TBCE: variants seen among roughly 807,000 people sequenced by gnomAD.
The protein encoded by TBCE is tubulin folding cofactor E.
A neutral mutation model predicts 77.0 loss-of-function variants in TBCE; 53 were observed. The observed-to-expected ratio is 0.69, with a 90% CI of 0.55 to 0.87. The LOEUF (loss-of-function observed/expected upper bound fraction) is 0.87. TBCE is among the 40% of genes least tolerant of loss of function. TBCE has a pLI of 0.00. For synonymous variants in TBCE, 235 were observed against 241.3 expected, an observed-to-expected ratio of 0.97 and a Z score of 0.24; for missense variants, 624 against 622.4, an observed-to-expected ratio of 1.00 and a Z score of -0.03.
chr1:235,386,712 C>G (rs1678031489), intron 2 of TBCE, among the ~76,000 whole-genome samples: 1 of 152,066 alleles, frequency 6.6e-6, no homozygotes, highest in Admixed American at 6.6e-5. Context: ...AAATTTTTTT[C>G]AAAGTTTTTA....
intron 5 of TBCE, among the ~76,000 whole-genome samples, chr1:235,422,102 A>G (rs1450587453): frequency 1.3e-5 from 2 of 152,256 alleles, no homozygotes. Flanking sequence ...AAAAGTAGGC[A>G]GCTGGAGTGA....
In TBCE at chr1:235,434,297, T is replaced by G. The variant is rs2102920332; in HGVS notation, c.737+17T>G. ...TTCCGAAAGGTAACTAGCACTTACT[T>G]AAATGCATCTATCCCCATTTAATCA... On this transcript the variant is annotated intron_variant, in intron 8 of 16. Coordinates refer to ENST00000642610, the MANE Select transcript of TBCE (RefSeq NM_003193.5). 1.3e-6 allele frequency: 2 copies of G among 1,586,910 alleles called. No homozygotes were observed. The highest frequency in any genetic ancestry group is 1.7e-6 in the Non-Finnish European group (2 of 1,155,166).
At chr1:235,389,904 C>T (rs1436028649) in intron 2 of TBCE, among the ~76,000 whole-genome samples, 1 of 152,070 alleles carries the variant, frequency 6.6e-6, no homozygotes, top group Admixed American at 6.6e-5. Context: ...CTGTAGATCA[C>T]TTGAAGTCAG....
chr1:235,375,584 G>A (rs1677244963), intron 1 of TBCE, among the ~76,000 whole-genome samples: 1 of 152,172 alleles, frequency 6.6e-6, no homozygotes, highest in African/African-American at 2.4e-5. Flanking sequence ...CTAACATCAG[G>A]AAACAGGGAC....
At chr1:235,369,764 G>T (rs1158790607) in intron 1 of TBCE, among the ~76,000 whole-genome samples, 1 of 149,630 alleles carries the variant, frequency 6.7e-6, no homozygotes, top group African/African-American at 2.5e-5. Flanking sequence ...GGGCAGGCGC[G>T]GAGGTTGCAG....
intron 6 of TBCE, among the ~76,000 whole-genome samples, chr1:235,427,945 G>T (rs574297606): frequency 6.0e-4 from 91 of 152,116 alleles, no homozygotes; most frequent in African/African-American, 2.1e-3. Context: ...CAAGATAATT[G>T]CTTGAACCCG....
chr1:235,433,255 C>G (rs1422937982), intron 7 of TBCE: 1 of 1,111,612 alleles, frequency 9.0e-7, no homozygotes, highest in Non-Finnish European at 1.2e-6. Context: ...GAGTCTTGCT[C>G]TGTTGCCTAG....
chr1:235,376,051 AAC>A (rs1190085333), intron 1 of TBCE, among the ~76,000 whole-genome samples: 44 of 152,210 alleles, frequency 2.9e-4, no homozygotes, highest in African/African-American at 1.0e-3. Flanking sequence ...TCTCAAAACA[AAC>A]AAACAAAAAC....
At position 235,434,322 on chromosome 1, in the gene TBCE, A is replaced by T. The variant is rs1320866840; in HGVS notation, c.737+42A>T. 3 of 1,520,842 alleles carry T rather than the reference A, an allele frequency of 2.0e-6. No individual in the cohort carries two copies. The African/African-American group carries it at 4.1e-5, about 21-fold the overall frequency. The allele number at this position is 1,520,842 out of a possible 1,614,324, so 94.2% of individuals were successfully genotyped here. A position where few individuals can be genotyped will look rare whatever the true frequency, so the allele number is the denominator to read the frequency against. Reference sequence around the variant, plus strand: ...TAAATGCATCTATCCCCATTTAATCATCATTCTGAGTAAATAAATGGTCTC... The same window carrying T: ...TAAATGCATCTATCCCCATTTAATCTTCATTCTGAGTAAATAAATGGTCTC... On this transcript the variant is annotated intron_variant, in intron 8 of 16. Transcript: ENST00000642610.
At chr1:235,425,687 C>T (rs561211784) in intron 5 of TBCE, among the ~76,000 whole-genome samples, 1 of 152,146 alleles carries the variant, frequency 6.6e-6, no homozygotes, top group East Asian at 1.9e-4. Context: ...TCCTTGTGAC[C>T]TTGTTTCTAG....
intron 2 of TBCE, among the ~76,000 whole-genome samples, chr1:235,388,723 C>CT (rs1678188846): frequency 6.6e-6 from 1 of 152,182 alleles, no homozygotes; most frequent in Non-Finnish European, 1.5e-5. Context: ...GCAGACTTAG[C>CT]TAGAGATTTA....
chr1:235,406,531 A>AT (rs1043094040), intron 3 of TBCE, among the ~76,000 whole-genome samples: 1 of 152,100 alleles, frequency 6.6e-6, no homozygotes, highest in African/African-American at 2.4e-5. Context: ...AGAAACGTGG[A>AT]TTTTTTCTTT....
intron 1 of TBCE, among the ~76,000 whole-genome samples, chr1:235,371,518 G>A (rs964581366): frequency 2.0e-5 from 3 of 150,862 alleles, no homozygotes; most frequent in Admixed American, 6.6e-5. Flanking sequence ...GGGATTATAC[G>A]CGTGTGCCAC....
chr1:235,440,249 C>A lies in TBCE; in HGVS notation c.1270+1327C>A, dbSNP rs567897117. 1.1e-3 allele frequency among the ~76,000 whole-genome samples: 166 copies of A among 152,174 alleles called. 2 individuals carry two copies. Among genetic ancestry groups the A allele is most frequent in the African/African-American group, 3.7e-3 (153 of 41,532 alleles). On this transcript the variant is annotated intron_variant, in intron 13 of 16. Coordinates refer to ENST00000642610, the MANE Select transcript of TBCE (RefSeq NM_003193.5). ...CCTCCCAGAGTGCTGGGATTACAGG[C>A]GTGAGCCACCGCGCCCAGCCAGGGA... is the stretch of plus-strand genomic sequence containing the variant.
In TBCE at chr1:235,373,503, G is replaced by T. The variant is rs576376825; in HGVS notation, c.-32+5999G>T. Among the ~76,000 whole-genome samples, 15 of 152,104 alleles carry T rather than the reference G, an allele frequency of 9.9e-5. No individual in the cohort carries two copies. The East Asian group carries it at 2.9e-3, about 29-fold the overall frequency. Reference sequence around the variant, plus strand: ...CTGTGGCCCAGTCTGGAGTGCAATGGCACGATCTTGGCTCACTGCAACCTC... The same window carrying T: ...CTGTGGCCCAGTCTGGAGTGCAATGTCACGATCTTGGCTCACTGCAACCTC... On this transcript the variant is annotated intron_variant, in intron 1 of 16. Transcript: ENST00000642610.
At chr1:235,387,408 C>T (rs1274707948) in intron 2 of TBCE, among the ~76,000 whole-genome samples, 1 of 152,192 alleles carries the variant, frequency 6.6e-6, no homozygotes, top group East Asian at 1.9e-4. Flanking sequence ...AGAGGTGGAG[C>T]CTACAGAGGC....
intron 6 of TBCE, among the ~76,000 whole-genome samples, chr1:235,427,754 G>C (rs764265092): frequency 6.6e-6 from 1 of 152,144 alleles, no homozygotes; most frequent in Non-Finnish European, 1.5e-5. Flanking sequence ...ATCTGGGCCG[G>C]GTGCAGTGGC....
intron 2 of TBCE, among the ~76,000 whole-genome samples, chr1:235,397,226 G>T (rs1299089216): frequency 7.0e-6 from 1 of 142,504 alleles, no homozygotes. Flanking sequence ...TTTTGAGACG[G>T]AGTCTTGCTC....
At chr1:235,371,462 A>G (rs1374561764) in intron 1 of TBCE, among the ~76,000 whole-genome samples, 2 of 137,054 alleles carry the variant, frequency 1.5e-5, no homozygotes, top group Non-Finnish European at 3.1e-5. Context: ...TGCAAGCTCT[A>G]CCTCCCGGGT....
Sources: gnomAD v4.1 joint callset for allele counts (sites outside exome capture counted in the v4.1 genomes callset) on GRCh38, gnomAD v4.1.1 for gene constraint, MANE v1.5 for transcripts, NCBI Gene and HGNC (gene_info 2026-07-23, HGNC 2026-07-21) for gene names.